CCDC57: variants seen among roughly 807,000 people sequenced by gnomAD.
The protein encoded by CCDC57 is coiled-coil domain-containing protein 57.
A neutral mutation model predicts 118.9 loss-of-function variants in CCDC57; 118 were observed. That is an observed-to-expected ratio of 0.99 (90% CI 0.86 to 1.16). CCDC57 has a LOEUF of 1.16. Among genes scored for constraint, CCDC57 ranks in the 50% most tolerant of loss-of-function variants. The pLI, the probability that CCDC57 is intolerant of heterozygous loss-of-function variation, is 0.00. For synonymous variants in CCDC57, 527 were observed against 532.9 expected (o/e 0.99, Z 0.15); for missense variants, 1,300 against 1,320.7 (o/e 0.98, Z 0.24).
intron 11 of CCDC57, among the ~76,000 whole-genome samples, chr17:82,175,109 C>T (rs1020665677): frequency 1.5e-4 from 23 of 152,370 alleles, no homozygotes; most frequent in African/African-American, 5.0e-4. Flanking sequence ...ATAAAACATG[C>T]AGCCATTTAG....
chr17:82,171,860 A>G lies in CCDC57; in HGVS notation c.1730-7T>C, dbSNP rs2044782077. On this transcript the variant is annotated splice_polypyrimidine_tract_variant and splice_region_variant and intron_variant, in intron 12 of 19. Transcript: ENST00000665763. ...TCAAGGGCCAGAACATAATCTGCCA[A>G]AAAAACCTCCAGTGAATATAACACA... 5 of 1,610,258 alleles carry G rather than the reference A, an allele frequency of 3.1e-6. No homozygotes were observed. Among genetic ancestry groups the G allele is most frequent in the African/African-American group, 2.7e-5 (2 of 74,970 alleles).
chr17:82,159,008 C>T (rs1767666366), intron 14 of CCDC57, among the ~76,000 whole-genome samples: 1 of 152,200 alleles, frequency 6.6e-6, no homozygotes, highest in African/African-American at 2.4e-5. Flanking sequence ...GCTGGGACTA[C>T]AGACGCACCA....
chr17:82,120,170 T>TA (rs1203327609), intron 19 of CCDC57, among the ~76,000 whole-genome samples: 1 of 101,454 alleles, frequency 9.9e-6, no homozygotes, highest in Non-Finnish European at 2.3e-5. Context: ...TTATTATTAT[T>TA]ATTATTTTTT....
chr17:82,106,957 C>T (rs997718024), intron 19 of CCDC57, among the ~76,000 whole-genome samples: 2 of 152,224 alleles, frequency 1.3e-5, no homozygotes, highest in Non-Finnish European at 2.9e-5. Flanking sequence ...AGGTCACCGC[C>T]ATGTCCCCGG....
intron 3 of CCDC57, among the ~76,000 whole-genome samples, chr17:82,201,189 G>C (rs1489356610): frequency 6.6e-6 from 1 of 152,132 alleles, no homozygotes; most frequent in Non-Finnish European, 1.5e-5. Context: ...AATTACTACA[G>C]ACTTCCATTA....
At chr17:82,147,131 G>A (rs74605337) in intron 16 of CCDC57, among the ~76,000 whole-genome samples, 219 of 152,194 alleles carry the variant, frequency 1.4e-3, no homozygotes, top group African/African-American at 4.8e-3. Flanking sequence ...CTGGATGATT[G>A]GATGGATGGG....
chr17:82,114,167 T>C (rs773016222), intron 19 of CCDC57, among the ~76,000 whole-genome samples: 3 of 152,230 alleles, frequency 2.0e-5, no homozygotes, highest in Non-Finnish European at 4.4e-5. Flanking sequence ...GTACAGACTG[T>C]TCTTCACTGT....
chr17:82,135,866 G>A (rs1233095511), intron 16 of CCDC57, among the ~76,000 whole-genome samples: 2 of 152,032 alleles, frequency 1.3e-5, no homozygotes, highest in African/African-American at 2.4e-5. Flanking sequence ...GGATACTGGC[G>A]TGGGCAACAC....
chr17:82,162,015 T>C (rs2043401241), intron 14 of CCDC57, among the ~76,000 whole-genome samples: 1 of 152,180 alleles, frequency 6.6e-6, no homozygotes, highest in South Asian at 2.1e-4. Context: ...AATTTTTTTT[T>C]TGAGATGGAG....
At chr17:82,188,472 C>A in intron 7 of CCDC57, 53 bp from the exon 7 acceptor site, 1 of 1,548,190 alleles carries the variant, frequency 6.5e-7, no homozygotes. Flanking sequence ...ACACCCAGGC[C>A]CCAGACCCTC....
chr17:82,203,209 C>T (rs915618097), intron 2 of CCDC57, among the ~76,000 whole-genome samples: 1 of 152,162 alleles, frequency 6.6e-6, no homozygotes, highest in Non-Finnish European at 1.5e-5. Context: ...CTCTCCACCA[C>T]TCACACTCCC....
At chr17:82,163,205 G>T in exon 14 of CCDC57, 1 of 1,613,818 alleles carries the variant, frequency 6.2e-7, no homozygotes, top group African/African-American at 1.3e-5. Context: ...CTCACCTTCT[G>T]TCTGAGTCGT....
chr17:82,140,082 G>GT (rs1169369824), intron 16 of CCDC57, among the ~76,000 whole-genome samples: 3 of 151,844 alleles, frequency 2.0e-5, no homozygotes, highest in Admixed American at 1.3e-4. Flanking sequence ...GTGATACCTT[G>GT]TTTTTTTTGT....
Position 82,192,120 on chromosome 17 carries a change from G to A in CCDC57, c.851+1636C>T, listed in dbSNP as rs749430022. ...CCTGCCTCAGCCTGCCAAGTAGCTG[G>A]GATTACAGGCGTGCACCACCACGCC... On this transcript the variant is annotated intron_variant, in intron 7 of 19. Coordinates refer to ENST00000665763, the Ensembl canonical transcript of CCDC57. This position sits in a 1 kb window ranked among gnomAD's most constrained non-coding sequence, Gnocchi z 4.0. Among the ~76,000 whole-genome samples, 14 of 151,896 alleles carry A rather than the reference G, an allele frequency of 9.2e-5. No individual in the cohort carries two copies. Among genetic ancestry groups the A allele is most frequent in the Admixed American group, 2.0e-4 (3 of 15,242 alleles).
intron 16 of CCDC57, among the ~76,000 whole-genome samples, chr17:82,138,996 C>T (rs2039668143): frequency 6.6e-6 from 1 of 152,154 alleles, no homozygotes; most frequent in Non-Finnish European, 1.5e-5. Flanking sequence ...GGCTGTGTTA[C>T]TAGGCAGACG....
intron 13 of CCDC57, among the ~76,000 whole-genome samples, chr17:82,169,708 G>C (rs1175243464): frequency 1.3e-5 from 2 of 152,194 alleles, no homozygotes; most frequent in Non-Finnish European, 2.9e-5. Context: ...CTCGATCAAA[G>C]TAACTGTGTT....
intron 16 of CCDC57, among the ~76,000 whole-genome samples, chr17:82,139,589 C>T (rs369847196): frequency 9.9e-5 from 15 of 152,212 alleles, no homozygotes; most frequent in African/African-American, 3.6e-4. Flanking sequence ...TTCCTGACCT[C>T]AGGTGATCCA....
intron 19 of CCDC57, chr17:82,107,294 C>T (rs145871550): frequency 1.3e-4 from 51 of 405,138 alleles, no homozygotes; most frequent in African/African-American, 8.9e-4. Flanking sequence ...CAAAGGCCCA[C>T]ACACCTGCAG....
At chr17:82,206,344 G>A (rs1225268336) in intron 2 of CCDC57, among the ~76,000 whole-genome samples, 5 of 152,210 alleles carry the variant, frequency 3.3e-5, no homozygotes, top group South Asian at 2.1e-4. Flanking sequence ...ACTCTCACAC[G>A]TCACAGTCTT....
Sources: allele counts gnomAD v4.1 joint callset (sites outside exome capture counted in the v4.1 genomes callset), GRCh38; gene constraint gnomAD v4.1.1; non-coding constraint Gnocchi (gnomAD v3.1); transcripts MANE v1.5; gene names NCBI Gene and HGNC (gene_info 2026-07-23, HGNC 2026-07-21).